Variants in PRDM16 observed in about 807,000 individuals in gnomAD.
The protein encoded by PRDM16 is histone-lysine N-methyltransferase PRDM16.
In PRDM16, 23 loss-of-function variants were observed where a neutral mutation model predicts 110.6. The observed-to-expected ratio is 0.21, with a 90% CI of 0.15 to 0.29. The LOEUF (loss-of-function observed/expected upper bound fraction) is 0.29, where lower values mean the gene tolerates loss of function less well. Ranked by LOEUF, PRDM16 falls within the 10% of genes least tolerant of loss-of-function variation. The pLI is 1.00. For missense variants in PRDM16, 1,615 were observed against 1,794.3 expected (o/e 0.90, Z 1.81); for synonymous variants, 799 against 781.8 (o/e 1.02, Z -0.37).
chr1:3,418,775 G>A (rs368941169), intron 12 of PRDM16, 31 bp downstream of exon 12: 106 of 1,551,642 alleles, frequency 6.8e-5, no homozygotes, highest in Admixed American at 2.5e-4. Context: ...GTGTGGGGGC[G>A]GGGCCGCCTG....
At position 3,348,069 on chromosome 1, in the gene PRDM16, C is replaced by T. The variant is rs182507838; in HGVS notation, c.439-37083C>T. On this transcript the variant is annotated intron_variant, in intron 3 of 16. Transcript: ENST00000270722. ...GCTGCCCATGCCTCTGGTCGGAGCA[C>T]GGGGCAGCCTGTGTCCATCTGCTGG... Among the ~76,000 whole-genome samples, 204 of 152,248 alleles carry T rather than the reference C, an allele frequency of 1.3e-3. 1 individual carries two copies. Among genetic ancestry groups the T allele is most frequent in the Non-Finnish European group, 2.5e-3 (169 of 68,004 alleles).
chr1:3,205,783 G>A (rs1247496344), intron 2 of PRDM16, among the ~76,000 whole-genome samples: 2 of 152,132 alleles, frequency 1.3e-5, no homozygotes, highest in African/African-American at 4.8e-5. Flanking sequence ...TCCTGGCCAG[G>A]CCTCGGTAAT....
chr1:3,282,836 T>C (rs1015217240), intron 3 of PRDM16, among the ~76,000 whole-genome samples: 1 of 152,080 alleles, frequency 6.6e-6, no homozygotes, highest in Non-Finnish European at 1.5e-5. Flanking sequence ...ACGAGGGTGG[T>C]GGGCAGCCAG....
In PRDM16 at chr1:3,220,555, G is replaced by A. The variant is rs540072504; in HGVS notation, c.388-23532G>A. On this transcript the variant is annotated intron_variant, in intron 2 of 16. Transcript: ENST00000270722. The stretch of plus-strand genomic sequence containing the variant: ...GGCCCACCTGGCCTCGAGTCTTGCC[G>A]TACCCCCAGGCTGCTGTGGTTCTCC... Among the ~76,000 whole-genome samples, 14 of 152,332 alleles carry A rather than the reference G, an allele frequency of 9.2e-5. No individual in the cohort carries two copies. The South Asian group carries it at 1.4e-3, about 16-fold the overall frequency.
intron 3 of PRDM16, among the ~76,000 whole-genome samples, chr1:3,331,533 C>T (rs1168917932): frequency 6.6e-6 from 1 of 152,190 alleles, no homozygotes; most frequent in Non-Finnish European, 1.5e-5. Flanking sequence ...CAAAGGGACA[C>T]ACATGGGACG....
chr1:3,413,971 G>T (rs1438594571), intron 9 of PRDM16, among the ~76,000 whole-genome samples: 1 of 152,186 alleles, frequency 6.6e-6, no homozygotes, highest in Non-Finnish European at 1.5e-5. Flanking sequence ...GAAGCCCCTG[G>T]TGACCTCCCC....
chr1:3,233,984 A>G (rs1034989661), intron 2 of PRDM16, among the ~76,000 whole-genome samples: 5 of 151,654 alleles, frequency 3.3e-5, no homozygotes, highest in African/African-American at 9.7e-5. Context: ...GAGGATGGGC[A>G]CAGGGCCCAC....
chr1:3,082,799 G>A (rs1466249488), intron 1 of PRDM16, among the ~76,000 whole-genome samples: 1 of 152,218 alleles, frequency 6.6e-6, no homozygotes, highest in Non-Finnish European at 1.5e-5. Context: ...TCCACCGAGG[G>A]GGCCTGGGGG....
rs1422908775 is a variant in PRDM16, at chr1:3,175,900, G to A, written c.38-10225G>A. Reference sequence around the variant, plus strand: ...AGTCAGAAGTGGGAGTGAGGCTCCTGCCTTCTACCTCTTCTGTTGGAAACT... The same window carrying A: ...AGTCAGAAGTGGGAGTGAGGCTCCTACCTTCTACCTCTTCTGTTGGAAACT... On this transcript the variant is annotated intron_variant, in intron 1 of 16. Coordinates refer to ENST00000270722, the MANE Select transcript of PRDM16 (RefSeq NM_022114.4). This position sits in a 1 kb window ranked among gnomAD's most constrained non-coding sequence, Gnocchi z 4.8. Among the ~76,000 whole-genome samples the A allele has an allele frequency of 6.6e-6, 1 of 152,120 alleles. No individual in the cohort carries two copies. Among genetic ancestry groups the A allele is most frequent in the African/African-American group, 2.4e-5 (1 of 41,406 alleles).
intron 2 of PRDM16, among the ~76,000 whole-genome samples, chr1:3,217,720 CT>C (rs1166185737): frequency 2.6e-5 from 4 of 152,152 alleles, no homozygotes; most frequent in Non-Finnish European, 5.9e-5. Flanking sequence ...CCCGGTAGAT[CT>C]TTTTTTTCAA....
chr1:3,433,512 ACGCGCTCACCTGCCTG>A (rs1638825465), intron 16 of PRDM16, among the ~76,000 whole-genome samples, 149 bp from the exon 17 acceptor site: 4 of 140,890 alleles, frequency 2.8e-5, no homozygotes, highest in South Asian at 2.4e-4. Flanking sequence ...CGCCCTGCCC[ACGCGCTCACCTGCCTG>A]TCTGGGATGG....
At chr1:3,181,084 A>ACGGCCTTACACACG (rs1644156156) in intron 1 of PRDM16, among the ~76,000 whole-genome samples, 2 of 123,624 alleles carry the variant, frequency 1.6e-5, no homozygotes, top group Non-Finnish European at 1.7e-5. Flanking sequence ...GGTCTTACAC[A>ACGGCCTTACACACG]CGGCCTTACA....
In PRDM16 at chr1:3,213,555, G is replaced by A. The variant is rs1180872363; in HGVS notation, c.387+27081G>A. On this transcript the variant is annotated intron_variant, in intron 2 of 16. Coordinates refer to ENST00000270722, the MANE Select transcript of PRDM16 (RefSeq NM_022114.4). The surrounding 1 kb of genome is among the most constrained non-coding windows in gnomAD (Gnocchi z 5.3). ...TAGAGAGTCCTTTGTCGCCTCCCTG[G>A]GGGCACAGACACCTGGAACTCACTC... is the stretch of plus-strand genomic sequence containing the variant. Among the ~76,000 whole-genome samples, 3 of 152,114 alleles carry A rather than the reference G, an allele frequency of 2.0e-5. No individual in the cohort carries two copies. Among genetic ancestry groups the A allele is most frequent in the Non-Finnish European group, 4.4e-5 (3 of 68,016 alleles).
intron 16 of PRDM16, 108 bp downstream of exon 16, chr1:3,432,248 T>A: frequency 5.3e-6 from 5 of 951,696 alleles, no homozygotes; most frequent in South Asian, 1.6e-5. Context: ...GAAGCTCTGG[T>A]CACGCAAACG....
At chr1:3,254,554 C>A (rs1640005638) in intron 3 of PRDM16, among the ~76,000 whole-genome samples, 1 of 152,164 alleles carries the variant, frequency 6.6e-6, no homozygotes, top group South Asian at 2.1e-4. Flanking sequence ...TTCCCATTCA[C>A]AATTGCTTCA....
intron 16 of PRDM16, among the ~76,000 whole-genome samples, chr1:3,433,250 C>T (rs1638816086): frequency 6.6e-6 from 1 of 152,262 alleles, no homozygotes; most frequent in Non-Finnish European, 1.5e-5. Flanking sequence ...AGGGGGCGGC[C>T]CTCGTCCCTC....
At chr1:3,167,513 TGAA>T (rs1229408872) in intron 1 of PRDM16, among the ~76,000 whole-genome samples, 1 of 151,940 alleles carries the variant, frequency 6.6e-6, no homozygotes, top group African/African-American at 2.4e-5. Context: ...CTGCCACAGG[TGAA>T]GAAGGTGCCA....
At chr1:3,200,162 G>A (rs1638582393) in intron 2 of PRDM16, among the ~76,000 whole-genome samples, 1 of 152,232 alleles carries the variant, frequency 6.6e-6, no homozygotes, top group African/African-American at 2.4e-5. Context: ...CCCAGGGCCT[G>A]AGGGGCAGAG....
rs1642663347 is a variant in PRDM16, at chr1:3,358,925, C to T, written c.439-26227C>T. ...CCGTGAAGATGTTCTCCATGGCCGG[C>T]TCCCATGAGGAATCAGAGGGGGAAA... On this transcript the variant is annotated intron_variant, in intron 3 of 16. Transcript: ENST00000270722. This position sits in a 1 kb window ranked among gnomAD's most constrained non-coding sequence, Gnocchi z 4.0. Among the ~76,000 whole-genome samples the T allele has an allele frequency of 6.6e-6, 1 of 152,206 alleles. No individual in the cohort carries two copies. Among genetic ancestry groups the T allele is most frequent in the Non-Finnish European group, 1.5e-5 (1 of 68,040 alleles).
Sources: gnomAD v4.1 joint callset for allele counts (sites outside exome capture counted in the v4.1 genomes callset) on GRCh38, gnomAD v4.1.1 for gene constraint, Gnocchi (gnomAD v3.1) non-coding constraint, MANE v1.5 for transcripts, NCBI Gene and HGNC (gene_info 2026-07-23, HGNC 2026-07-21) for gene names.